SLC4A4: variants seen among roughly 807,000 people sequenced by gnomAD.
SLC4A4 encodes the protein solute carrier family 4 member 4, also known as electrogenic sodium bicarbonate cotransporter 1.
In SLC4A4, 27 loss-of-function variants were observed where a neutral mutation model predicts 111.5. The observed-to-expected ratio is 0.24, with a 90% CI of 0.18 to 0.33. The LOEUF is 0.33. Among genes scored for constraint, SLC4A4 ranks in the 10% least tolerant of loss-of-function variants. The pLI is 1.00. For synonymous variants in SLC4A4, 443 were observed against 463.4 expected (o/e 0.96, Z 0.57); for missense variants, 909 against 1,315.5 (o/e 0.69, Z 4.78).
At chr4:71,119,922 G>A (rs1743370463) in intron 2 of SLC4A4, among the ~76,000 whole-genome samples, 1 of 152,066 alleles carries the variant, frequency 6.6e-6, no homozygotes, top group Non-Finnish European at 1.5e-5. Flanking sequence ...CTGGTTTGTT[G>A]AGCTTTCCAT....
chr4:71,174,131 T>C (rs535505750), intron 2 of SLC4A4, among the ~76,000 whole-genome samples: 65 of 152,308 alleles, frequency 4.3e-4, no homozygotes, highest in African/African-American at 1.5e-3. Flanking sequence ...ACAACAGCTA[T>C]GAACTGGGTT....
chr4:71,333,811 C>A (rs1461576712), intron 3 of SLC4A4, among the ~76,000 whole-genome samples: 1 of 152,038 alleles, frequency 6.6e-6, no homozygotes, highest in Non-Finnish European at 1.5e-5. Context: ...CAGCCACTGC[C>A]CCGTGCCTGG....
At chr4:71,069,719 T>G (rs967983749) in intron 1 of SLC4A4, among the ~76,000 whole-genome samples, 1 of 152,208 alleles carries the variant, frequency 6.6e-6, no homozygotes, top group African/African-American at 2.4e-5. Context: ...CCAAAAGCAC[T>G]GGTTGAAAAA....
intron 14 of SLC4A4, among the ~76,000 whole-genome samples, chr4:71,479,574 C>G (rs1303139886): frequency 2.0e-5 from 3 of 151,694 alleles, no homozygotes; most frequent in Non-Finnish European, 4.4e-5. Context: ...TAACTTACCT[C>G]CCATGAACTA....
chr4:71,112,054 G>A (rs1190221532), intron 2 of SLC4A4, among the ~76,000 whole-genome samples: 1 of 152,180 alleles, frequency 6.6e-6, no homozygotes, highest in Non-Finnish European at 1.5e-5. Flanking sequence ...GGAGTTGAGA[G>A]ACATCCTGTG....
At chr4:71,526,739 G>A (rs372051199) in intron 16 of SLC4A4, among the ~76,000 whole-genome samples, 1 of 152,006 alleles carries the variant, frequency 6.6e-6, no homozygotes. Flanking sequence ...TCTGAAATGG[G>A]CCTCAGTGGG....
intron 2 of SLC4A4, among the ~76,000 whole-genome samples, chr4:71,159,628 T>C (rs1744567500): frequency 6.6e-6 from 1 of 152,220 alleles, no homozygotes; most frequent in Non-Finnish European, 1.5e-5. Context: ...CTTCCCAAAG[T>C]GCTGGGATTA....
intron 20 of SLC4A4, 39 bp downstream of exon 20, chr4:71,547,759 A>C (rs960824721): frequency 1.7e-5 from 25 of 1,494,438 alleles, no homozygotes; most frequent in Non-Finnish European, 2.2e-5. Context: ...TTCTCAGAAC[A>C]CTGACATATA....
chr4:71,129,784 CAAAAAAA>C (rs35737857), intron 2 of SLC4A4, among the ~76,000 whole-genome samples: 4 of 75,580 alleles, frequency 5.3e-5, no homozygotes, highest in Admixed American at 1.6e-4. Context: ...TACCATGCAC[CAAAAAAA>C]AAAAAAAAAA....
intron 1 of SLC4A4, among the ~76,000 whole-genome samples, chr4:71,216,439 T>C (rs1718435480): frequency 6.6e-6 from 1 of 152,192 alleles, no homozygotes; most frequent in African/African-American, 2.4e-5. Flanking sequence ...CTTTCAAAAA[T>C]GCCCAGCTGG....
intron 3 of SLC4A4, among the ~76,000 whole-genome samples, chr4:71,270,333 G>A (rs571828411): frequency 3.5e-4 from 53 of 152,108 alleles, no homozygotes; most frequent in African/African-American, 5.3e-4. Flanking sequence ...CAGGTGATCC[G>A]CCCGCCTCGG....
At chr4:71,471,998 T>A (rs1727914535) in intron 13 of SLC4A4, among the ~76,000 whole-genome samples, 1 of 151,922 alleles carries the variant, frequency 6.6e-6, no homozygotes, top group South Asian at 2.1e-4. Flanking sequence ...CAGATCATAT[T>A]TCTAATTCCA....
chr4:71,500,448 A>T (rs1560565515), intron 16 of SLC4A4, among the ~76,000 whole-genome samples: 1 of 152,082 alleles, frequency 6.6e-6, no homozygotes, highest in Non-Finnish European at 1.5e-5. Flanking sequence ...TTACAGTTTC[A>T]GGTCTTATAT....
chr4:71,276,842 G>A lies in SLC4A4; in HGVS notation c.253+21443G>A, dbSNP rs572831659. Among the ~76,000 whole-genome samples the A allele has an allele frequency of 8.5e-5, 13 of 152,130 alleles. No homozygotes were observed. In the South Asian group the frequency reaches 2.7e-3, roughly 32 times the overall value. On this transcript the variant is annotated intron_variant, in intron 3 of 25. Coordinates refer to ENST00000264485, the MANE Select transcript of SLC4A4 (RefSeq NM_001098484.3). ...GTAGGTGGATCCCTTGAGCCCAGGA[G>A]TTCGAGACCAGCCTGGGCAATATGG...
intron 22 of SLC4A4, among the ~76,000 whole-genome samples, chr4:71,559,545 G>A (rs1167000459): frequency 1.3e-5 from 2 of 151,794 alleles, no homozygotes; most frequent in African/African-American, 4.8e-5. Context: ...TTAACATAAT[G>A]TCTGGGACAT....
chr4:71,551,116 A>G (rs1300300965), intron 20 of SLC4A4, among the ~76,000 whole-genome samples: 1 of 151,902 alleles, frequency 6.6e-6, no homozygotes, highest in Non-Finnish European at 1.5e-5. Context: ...GAGGCTAAAG[A>G]GCATCAAAAA....
At chr4:71,557,066 G>A (rs1340132878) in intron 21 of SLC4A4, among the ~76,000 whole-genome samples, 2 of 151,846 alleles carry the variant, frequency 1.3e-5, no homozygotes, top group Non-Finnish European at 2.9e-5. Context: ...ATCACCATAC[G>A]ATAGCATCCC....
At chr4:71,418,066 T>A (rs560262035) in intron 7 of SLC4A4, among the ~76,000 whole-genome samples, 87 of 152,300 alleles carry the variant, frequency 5.7e-4, no homozygotes, top group South Asian at 1.5e-3. Flanking sequence ...ACAATTTTTT[T>A]AAAAAAATAA....
chr4:71,420,396 AGT>A (rs1290769549), intron 7 of SLC4A4, among the ~76,000 whole-genome samples: 1 of 152,224 alleles, frequency 6.6e-6, no homozygotes, highest in Non-Finnish European at 1.5e-5. Context: ...AATGGAACCA[AGT>A]TGGAAAACAC....
Sources: allele counts gnomAD v4.1 joint callset (sites outside exome capture counted in the v4.1 genomes callset), GRCh38; gene constraint gnomAD v4.1.1; transcripts MANE v1.5; gene names NCBI Gene and HGNC (gene_info 2026-07-23, HGNC 2026-07-21).